The following CACNA1B variants were observed in gnomAD, a reference collection of about 807,000 sequenced individuals.
The protein encoded by CACNA1B is calcium voltage-gated channel subunit alpha1 B, also known as voltage-dependent N-type calcium channel subunit alpha-1B.
Under a neutral mutation model 247.2 loss-of-function variants are expected in CACNA1B, and 70 were observed. The ratio of observed to expected loss-of-function variants is 0.28; its 90% CI spans 0.23 to 0.35. The LOEUF (loss-of-function observed/expected upper bound fraction) is 0.35, where lower values mean the gene tolerates loss of function less well. Among genes scored for constraint, CACNA1B ranks in the 10% least tolerant of loss-of-function variants. The pLI, the probability that CACNA1B is intolerant of heterozygous loss-of-function variation, is 1.00. For synonymous variants in CACNA1B, 1,231 were observed against 1,294.4 expected, an observed-to-expected ratio of 0.95 and a Z score of 1.05; for missense variants, 2,367 against 3,197.4, an observed-to-expected ratio of 0.74 and a Z score of 6.26.
At chr9:138,033,234 G>A (rs1012456046) in intron 20 of CACNA1B, among the ~76,000 whole-genome samples, 7 of 152,086 alleles carry the variant, frequency 4.6e-5, no homozygotes, top group Non-Finnish European at 8.8e-5. Flanking sequence ...CATTTGGTTC[G>A]TTATATCTTC....
In CACNA1B at chr9:138,054,024, G is replaced by A; in HGVS notation, c.3968+18G>A. Reference sequence around the variant, plus strand: ...GACTGCAGGTAAACTGAGGCAGGGTGCAAGGTGGGACACACAGCCCCATGA... The same window carrying A: ...GACTGCAGGTAAACTGAGGCAGGGTACAAGGTGGGACACACAGCCCCATGA... On this transcript the variant is annotated intron_variant, in intron 26 of 46. Coordinates refer to ENST00000371372, the MANE Select transcript of CACNA1B (RefSeq NM_000718.4). This position sits in a 1 kb window ranked among gnomAD's most constrained non-coding sequence, Gnocchi z 4.6. 2 of 1,612,490 alleles carry A rather than the reference G, an allele frequency of 1.2e-6. No homozygotes were observed. The highest frequency in any genetic ancestry group is 1.7e-6 in the Non-Finnish European group (2 of 1,178,606).
intron 1 of CACNA1B, 54 bp from the exon 2 acceptor site, chr9:137,879,000 G>A: frequency 8.5e-7 from 1 of 1,174,484 alleles, no homozygotes; most frequent in South Asian, 1.3e-5. Flanking sequence ...TGCTGGCGTC[G>A]GCCTCGTGTT....
chr9:138,042,980 G>GAGGTCTCAA (rs1959143889), intron 20 of CACNA1B, among the ~76,000 whole-genome samples: 2 of 152,190 alleles, frequency 1.3e-5, no homozygotes, highest in Non-Finnish European at 2.9e-5. Flanking sequence ...TGGTGTCCCT[G>GAGGTCTCAA]AGGTCTCAAG....
chr9:137,925,967 G>A lies in CACNA1B; in HGVS notation c.966+8536G>A, dbSNP rs574990746. On this transcript the variant is annotated intron_variant, in intron 6 of 46. Coordinates refer to ENST00000371372, the MANE Select transcript of CACNA1B (RefSeq NM_000718.4). ...GACGGGATTTCGCCATGTTGGCCAG[G>A]ATGGTCTTGATCTCCTGACCTCATG... Among the ~76,000 whole-genome samples, 19 of 148,952 alleles carry A rather than the reference G, an allele frequency of 1.3e-4. No homozygotes were observed. In the South Asian group the frequency reaches 3.6e-3, roughly 28 times the overall value.
intron 38 of CACNA1B, 107 bp from the exon 39 acceptor site, chr9:138,105,592 A>G (rs752298602): frequency 1.5e-5 from 10 of 667,786 alleles, no homozygotes; most frequent in Non-Finnish European, 2.2e-5. Flanking sequence ...TGCAGGCACC[A>G]CCACTGGGAT....
At chr9:137,953,738 G>A (rs573744506) in intron 7 of CACNA1B, among the ~76,000 whole-genome samples, 9 of 152,280 alleles carry the variant, frequency 5.9e-5, no homozygotes, top group South Asian at 4.1e-4. Context: ...TGGGGTGGAG[G>A]CACAGTGGAC....
rs1338202251 is a variant in CACNA1B at position 138,007,866 on chromosome 9, C to T, written c.2092+982C>T. 2.0e-5 allele frequency among the ~76,000 whole-genome samples: 3 copies of T among 152,348 alleles called. No homozygotes were observed. The highest frequency in any genetic ancestry group is 3.9e-4 in the East Asian group (2 of 5,186). ...CCACTCCACCCCGTCTGTCTGTCCT[C>T]GTCTCTGCCTCACTGGTGCCGGTGC... On this transcript the variant is annotated intron_variant, in intron 16 of 46. Transcript: ENST00000371372. The surrounding 1 kb of genome is among the most constrained non-coding windows in gnomAD (Gnocchi z 4.1).
Position 137,986,811 on chromosome 9 carries a change from C to T in CACNA1B, c.1931C>T (p.Thr644Ile). The T allele has an allele frequency of 6.2e-7, 1 of 1,613,982 alleles. No individual in the cohort carries two copies. The highest frequency in any genetic ancestry group is 8.5e-7 in the Non-Finnish European group (1 of 1,179,838). Reference sequence around the variant, plus strand: ...AACTTCCAGGATGAGACTCCCACAACCAACTTCGACACCTTCCCTGCCGCC... The same window carrying T: ...AACTTCCAGGATGAGACTCCCACAATCAACTTCGACACCTTCCCTGCCGCC... Reference protein sequence around the residue: ...QFNFQDETPTTNFDTFPAAIL... With the variant: ...QFNFQDETPTINFDTFPAAIL... The change falls in exon 15 of 47, where the codon ACC becomes ATC. Residue 644 changes from threonine (T) to isoleucine (I), a missense_variant. By Grantham distance (89) the Thr-to-Ile change is moderately conservative. Transcript: ENST00000371372. This position sits in a 1 kb window ranked among gnomAD's most constrained non-coding sequence, Gnocchi z 6.0.
At chr9:138,002,175 C>T (rs1041487069) in intron 15 of CACNA1B, among the ~76,000 whole-genome samples, 6 of 151,944 alleles carry the variant, frequency 3.9e-5, no homozygotes, top group Admixed American at 2.0e-4. Flanking sequence ...AATGAAATAT[C>T]AAAAGAACAG....
intron 46 of CACNA1B, 75 bp downstream of exon 46, chr9:138,120,956 G>C: frequency 6.8e-7 from 1 of 1,481,086 alleles, no homozygotes; most frequent in Non-Finnish European, 9.0e-7. Context: ...ACAGGCTCCT[G>C]CCTCTCCCCA....
chr9:138,078,157 C>T lies in CACNA1B; in HGVS notation c.4993C>T (p.Leu1665=). The change falls in exon 36 of 47, where the codon CTG becomes TTG. Residue 1665 remains leucine (L), a synonymous_variant. Coordinates refer to ENST00000371372, the MANE Select transcript of CACNA1B (RefSeq NM_000718.4). ...CTGGCACGAGATCATGCTGTCCTGC[C>T]TGAGCAACCAGGCCTGTGATGAGCA... The part of the protein sequence containing the change: ...EAWHEIMLSC[L]SNQACDEQAN... 2 of 1,614,008 alleles carry T rather than the reference C, an allele frequency of 1.2e-6. No individual in the cohort carries two copies. Among genetic ancestry groups the T allele is most frequent in the South Asian group, 2.2e-5 (2 of 91,084 alleles).
intron 6 of CACNA1B, among the ~76,000 whole-genome samples, chr9:137,944,386 C>T (rs1304145095): frequency 1.3e-5 from 2 of 152,162 alleles, no homozygotes; most frequent in Non-Finnish European, 2.9e-5. Context: ...GCCTTATTCT[C>T]TTTCTCTTCC....
chr9:137,960,558 G>A (rs1245333003), intron 10 of CACNA1B, among the ~76,000 whole-genome samples: 1 of 150,086 alleles, frequency 6.7e-6, no homozygotes, highest in Non-Finnish European at 1.5e-5. Flanking sequence ...CAGGGGAGAG[G>A]TGAGGTCGGC....
At chr9:138,047,073 CG>C (rs1658093038) in intron 22 of CACNA1B, 40 bp downstream of exon 22, 2 of 1,567,240 alleles carry the variant, frequency 1.3e-6, no homozygotes, top group Non-Finnish European at 8.7e-7. Context: ...CAGGCTGTGG[CG>C]GGGGAGCTGG....
In CACNA1B at chr9:137,913,353, A is replaced by G; in HGVS notation, c.622+82A>G. On this transcript the variant is annotated intron_variant, in intron 4 of 46. Coordinates refer to ENST00000371372, the MANE Select transcript of CACNA1B (RefSeq NM_000718.4). This position sits in a 1 kb window ranked among gnomAD's most constrained non-coding sequence, Gnocchi z 5.2. ...CCTCACCACGGACATGGCCATGGCC[A>G]TGGTTTGGCTTTGGTGACTCTGAGC... is the stretch of plus-strand genomic sequence containing the variant. The G allele has an allele frequency of 1.8e-6, 2 of 1,127,818 alleles. No individual in the cohort carries two copies. Among genetic ancestry groups the G allele is most frequent in the African/African-American group, 1.5e-5 (1 of 65,218 alleles). The allele number at this position is 1,127,818 out of a possible 1,614,324, so 69.9% of individuals were successfully genotyped here. A position where few individuals can be genotyped will look rare whatever the true frequency, so the allele number is the denominator to read the frequency against.
At position 137,883,170 on chromosome 9, in the gene CACNA1B, T is replaced by C. The variant is rs562594804; in HGVS notation, c.530+287T>C. 3.0e-4 allele frequency among the ~76,000 whole-genome samples: 46 copies of C among 152,200 alleles called. No homozygotes were observed. In the East Asian group the frequency reaches 6.2e-3, roughly 21 times the overall value. On this transcript the variant is annotated intron_variant, in intron 3 of 46. Coordinates refer to ENST00000371372, the MANE Select transcript of CACNA1B (RefSeq NM_000718.4). ...ACAGGCCAGGGGCCACCAGCTTCCATGGCTGGCCTGAGCCAGCATGGTGCC... is the reference window on the plus strand; with the variant it reads ...ACAGGCCAGGGGCCACCAGCTTCCACGGCTGGCCTGAGCCAGCATGGTGCC...
At position 138,120,732 on chromosome 9, in the gene CACNA1B, C is replaced by T. The variant is rs374411386; in HGVS notation, c.6340C>T (p.Arg2114Trp). 32 of 1,540,078 alleles carry T rather than the reference C, an allele frequency of 2.1e-5. No homozygotes were observed. The highest frequency in any genetic ancestry group is 1.7e-4 in the Middle Eastern group (1 of 5,842). The change falls in exon 46 of 47, where the codon CGG becomes TGG. Residue 2114 changes from arginine to tryptophan, a missense_variant. By Grantham distance (101) the Arg-to-Trp change is moderately radical (BLOSUM62 -3). Around this residue, in one of 12 missense-constraint regions of CACNA1B, gnomAD observed 773 missense variants for 779.4 expected, o/e 0.99. Coordinates refer to ENST00000371372, the MANE Select transcript of CACNA1B (RefSeq NM_000718.4). ...RRQERGRSQE[R>W]RQPSSSSSEK... ...GCAGGAGCGGGGCCGGTCCCAGGAG[C>T]GGAGGCAGCCCTCATCCTCCTCCTC... is the stretch of plus-strand genomic sequence containing the variant.
chr9:137,966,142 C>T (rs1564211525), intron 10 of CACNA1B, among the ~76,000 whole-genome samples: 1 of 151,854 alleles, frequency 6.6e-6, no homozygotes, highest in African/African-American at 2.4e-5. Context: ...TGCCTGGTAC[C>T]TTTCTTTTCC....
intron 2 of CACNA1B, among the ~76,000 whole-genome samples, chr9:137,879,961 C>T (rs1956894285): frequency 1.3e-5 from 2 of 152,178 alleles, no homozygotes; most frequent in South Asian, 4.1e-4. Context: ...ACTGGAGCCT[C>T]CAGGTGAGCA....
Sources: gnomAD v4.1 joint callset for allele counts (sites outside exome capture counted in the v4.1 genomes callset) on GRCh38, gnomAD v4.1.1 for gene constraint, gnomAD v4.1.1 regional missense constraint, Gnocchi (gnomAD v3.1) non-coding constraint, MANE v1.5 for transcripts, NCBI Gene and HGNC (gene_info 2026-07-23, HGNC 2026-07-21) for gene names.